EBF1: variants seen among roughly 807,000 people sequenced by gnomAD.
The protein encoded by EBF1 is EBF transcription factor 1.
Under a neutral mutation model 68.4 loss-of-function variants are expected in EBF1, and 10 were observed. The ratio of observed to expected loss-of-function variants is 0.15; its 90% CI spans 0.09 to 0.25. The LOEUF is 0.25. Ranked by LOEUF, EBF1 falls within the 10% of genes least tolerant of loss-of-function variation. The pLI, the probability that EBF1 is intolerant of heterozygous loss-of-function variation, is 1.00. For missense variants in EBF1, 509 were observed against 794.4 expected (o/e 0.64, Z 4.32); for synonymous variants, 298 against 299.8 (o/e 0.99, Z 0.06).
chr5:158,973,759 T>G (rs1756135957), intron 6 of EBF1, among the ~76,000 whole-genome samples: 1 of 152,206 alleles, frequency 6.6e-6, no homozygotes, highest in Non-Finnish European at 1.5e-5. Context: ...AAAAATTAAT[T>G]CATATTCTAT....
chr5:158,905,926 G>A (rs1804480423), intron 6 of EBF1, among the ~76,000 whole-genome samples: 1 of 152,148 alleles, frequency 6.6e-6, no homozygotes, highest in Non-Finnish European at 1.5e-5. Flanking sequence ...AAATAAAGCA[G>A]TCATTTGTAT....
intron 6 of EBF1, among the ~76,000 whole-genome samples, chr5:159,001,830 C>A (rs1413335246): frequency 1.3e-5 from 2 of 152,202 alleles, no homozygotes; most frequent in African/African-American, 4.8e-5. Context: ...AATCTCCTTA[C>A]CAACCTGTTC....
intron 6 of EBF1, among the ~76,000 whole-genome samples, chr5:158,960,021 G>A (rs1179776423): frequency 6.6e-6 from 1 of 152,102 alleles, no homozygotes; most frequent in Non-Finnish European, 1.5e-5. Flanking sequence ...CAGTCTGGAA[G>A]ACATAATACC....
intron 9 of EBF1, among the ~76,000 whole-genome samples, chr5:158,792,017 C>G (rs1312203775): frequency 2.0e-5 from 3 of 152,048 alleles, no homozygotes; most frequent in Non-Finnish European, 4.4e-5. Flanking sequence ...AGCAGGAGCC[C>G]CTCCCTGCTC....
chr5:158,731,206 G>A (rs1378289279), intron 10 of EBF1, 49 bp from the exon 11 acceptor site: 2 of 1,561,284 alleles, frequency 1.3e-6, no homozygotes, highest in Non-Finnish European at 1.8e-6. Flanking sequence ...AAATAAAGCT[G>A]AACATGGCTT....
At chr5:158,840,138 G>C in intron 6 of EBF1, 28 bp from the exon 7 acceptor site, 1 of 1,585,796 alleles carries the variant, frequency 6.3e-7, no homozygotes, top group Non-Finnish European at 8.7e-7. Flanking sequence ...ATCATGGTTA[G>C]CATTTCGGTT....
intron 6 of EBF1, among the ~76,000 whole-genome samples, chr5:158,940,755 A>AC (rs1332861007): frequency 1.5e-3 from 10 of 6,552 alleles, no homozygotes; most frequent in African/African-American, 2.7e-3. Flanking sequence ...CACCCCCTTC[A>AC]CCCCACCGCC....
chr5:158,907,588 T>A (rs1223128681), intron 6 of EBF1, among the ~76,000 whole-genome samples: 1 of 152,214 alleles, frequency 6.6e-6, no homozygotes, highest in Non-Finnish European at 1.5e-5. Flanking sequence ...AAAACCTTCC[T>A]ATTCTCATGG....
At chr5:158,730,457 T>C (rs1763871852) in intron 11 of EBF1, among the ~76,000 whole-genome samples, 2 of 152,358 alleles carry the variant, frequency 1.3e-5, no homozygotes, top group South Asian at 4.1e-4. Context: ...TAATGATGTA[T>C]TGGTGACATA....
intron 6 of EBF1, among the ~76,000 whole-genome samples, chr5:158,892,975 G>A (rs566651402): frequency 3.2e-4 from 48 of 150,678 alleles, no homozygotes; most frequent in African/African-American, 1.1e-3. Flanking sequence ...AGCCTGACAC[G>A]TTTCTTCTTT....
At chr5:158,844,145 A>C (rs80078872) in intron 6 of EBF1, among the ~76,000 whole-genome samples, 2 of 151,502 alleles carry the variant, frequency 1.3e-5, no homozygotes, top group Non-Finnish European at 2.9e-5. Context: ...CATAAACTCC[A>C]GGAAACAGCC....
At chr5:159,087,365 TATAC>T (rs1462069436) in intron 4 of EBF1, among the ~76,000 whole-genome samples, 3 of 141,456 alleles carry the variant, frequency 2.1e-5, no homozygotes, top group Admixed American at 7.1e-5. Context: ...CACATATATA[TATAC>T]ACACATATAT....
intron 6 of EBF1, among the ~76,000 whole-genome samples, chr5:159,020,887 G>T (rs984426911): frequency 6.6e-6 from 1 of 152,202 alleles, no homozygotes; most frequent in African/African-American, 2.4e-5. Context: ...TTTATACAAT[G>T]AAGAGAAGAC....
At chr5:158,725,790 G>A (rs1250102993) in intron 11 of EBF1, among the ~76,000 whole-genome samples, 1 of 152,190 alleles carries the variant, frequency 6.6e-6, no homozygotes, top group African/African-American at 2.4e-5. Flanking sequence ...TGGGTTCAAG[G>A]TTTGGCGGAG....
At chr5:158,951,579 T>C (rs917499395) in intron 6 of EBF1, among the ~76,000 whole-genome samples, 5 of 152,212 alleles carry the variant, frequency 3.3e-5, no homozygotes, top group African/African-American at 1.2e-4. Flanking sequence ...ATGCCATTAA[T>C]AGTAATGGCA....
At chr5:158,756,739 T>C (rs1238174066) in intron 10 of EBF1, among the ~76,000 whole-genome samples, 1 of 151,586 alleles carries the variant, frequency 6.6e-6, no homozygotes, top group Non-Finnish European at 1.5e-5. Flanking sequence ...AATGAACAAA[T>C]GAATTAACTA....
intron 9 of EBF1, among the ~76,000 whole-genome samples, chr5:158,789,204 A>G (rs566654793): frequency 1.3e-5 from 2 of 152,200 alleles, no homozygotes; most frequent in Non-Finnish European, 2.9e-5. Flanking sequence ...GACATGAAAC[A>G]TATTTAGAAA....
intron 6 of EBF1, among the ~76,000 whole-genome samples, chr5:158,865,703 C>T (rs757404684): frequency 2.6e-5 from 4 of 152,128 alleles, no homozygotes; most frequent in Non-Finnish European, 5.9e-5. Context: ...AACTTTTCCC[C>T]CAGATCTTTT....
At chr5:158,999,001 C>T (rs1761994276) in intron 6 of EBF1, among the ~76,000 whole-genome samples, 1 of 152,026 alleles carries the variant, frequency 6.6e-6, no homozygotes, top group Non-Finnish European at 1.5e-5. Context: ...TTCAAAGGTT[C>T]AGTCCGAATA....
Sources: gnomAD v4.1 joint callset for allele counts (sites outside exome capture counted in the v4.1 genomes callset) on GRCh38, gnomAD v4.1.1 for gene constraint, MANE v1.5 for transcripts, NCBI Gene and HGNC (gene_info 2026-07-23, HGNC 2026-07-21) for gene names.